Variants in PTPRZ1 observed in about 807,000 individuals in gnomAD.
PTPRZ1 encodes the protein protein tyrosine phosphatase receptor type Z1, also known as receptor-type tyrosine-protein phosphatase zeta.
Under a neutral mutation model 214.1 loss-of-function variants are expected in PTPRZ1, and 82 were observed. The observed-to-expected ratio is 0.38, with a 90% CI of 0.32 to 0.46. PTPRZ1 has a LOEUF of 0.46. Among genes scored for constraint, PTPRZ1 ranks in the 20% least tolerant of loss-of-function variants. The pLI is 1.00. For missense variants in PTPRZ1, 2,603 were observed against 2,748.7 expected, an observed-to-expected ratio of 0.95 and a Z score of 1.19; for synonymous variants, 945 against 987.9, an observed-to-expected ratio of 0.96 and a Z score of 0.81.
At position 122,034,095 on chromosome 7, in the gene PTPRZ1, A is replaced by G; in HGVS notation, c.5167A>G (p.Thr1723Ala). ...ASSGFTEEFE[T>A]LKEFYQEVQS... is the part of the protein sequence containing the mutation. ...TTTTTGGCATTCATTCCCTCATTAGACACTGAAAGAGTTTTACCAGGTAAG... is the reference window on the plus strand; with the variant it reads ...TTTTTGGCATTCATTCCCTCATTAGGCACTGAAAGAGTTTTACCAGGTAAG... Residue 1723 changes from threonine (T) to alanine (A), a missense_variant and splice_region_variant, in exon 16 of 30, where the codon ACA (threonine) becomes GCA (alanine). Thr to Ala is a moderately conservative substitution (Grantham distance 58). Coordinates refer to ENST00000393386, the MANE Select transcript of PTPRZ1 (RefSeq NM_002851.3). 6.3e-7 allele frequency: 1 copy of G among 1,594,412 alleles called. No individual in the cohort carries two copies.
intron 1 of PTPRZ1, among the ~76,000 whole-genome samples, chr7:121,909,295 G>A (rs1050612617): frequency 6.6e-6 from 1 of 152,106 alleles, no homozygotes; most frequent in African/African-American, 2.4e-5. Context: ...GGAAACCAGA[G>A]TTGCAGCCAG....
In PTPRZ1 at chr7:122,051,541, G is replaced by GA. The variant is rs753813147; in HGVS notation, c.6178+26dup. 10 of 1,586,114 alleles carry GA rather than the reference G, an allele frequency of 6.3e-6. No individual in the cohort carries two copies. The African/African-American group carries it at 9.5e-5, about 15-fold the overall frequency. ...TCCCTGGTAAGTTGTGTTGATCCTT[G>GA]AAAAAACAACTTTTTTAAAATAATA... is the stretch of plus-strand genomic sequence containing the variant. On this transcript the variant is annotated intron_variant, in intron 24 of 29. Coordinates refer to ENST00000393386, the MANE Select transcript of PTPRZ1 (RefSeq NM_002851.3).
chr7:122,035,007 G>T (rs1041417171), intron 17 of PTPRZ1, among the ~76,000 whole-genome samples: 14 of 151,788 alleles, frequency 9.2e-5, no homozygotes, highest in African/African-American at 2.9e-4. Context: ...GGTTGCATTT[G>T]TTCCCTCTTA....
In PTPRZ1 at chr7:121,996,465, G is replaced by C; in HGVS notation, c.1012G>C (p.Val338Leu). Residue 338 changes from valine (V) to leucine (L), a missense_variant, in exon 9 of 30, where the codon GTT becomes CTT. Physicochemically the swap from Val to Leu is conservative, Grantham distance 32 (BLOSUM62 1). This residue lies in a region of PTPRZ1 where 244 missense variants were observed against 333.2 expected (regional missense o/e 0.73). Transcript: ENST00000393386. The part of the protein sequence containing the change: ...LLVTWERPRV[V>L]YDTMIEKFAV... ...TGTTACATGGGAAAGACCTCGAGTC[G>C]TTTATGATACCATGATTGAGAAGTT... 2 of 1,613,574 alleles carry C rather than the reference G, an allele frequency of 1.2e-6. No individual in the cohort carries two copies. The highest frequency in any genetic ancestry group is 1.7e-6 in the Non-Finnish European group (2 of 1,179,664).
At chr7:121,991,693 A>T (rs1349954717) in intron 8 of PTPRZ1, among the ~76,000 whole-genome samples, 3 of 152,200 alleles carry the variant, frequency 2.0e-5, no homozygotes, top group Non-Finnish European at 4.4e-5. Context: ...CTACAAATTG[A>T]ACTGTTGATG....
intron 1 of PTPRZ1, among the ~76,000 whole-genome samples, chr7:121,890,766 C>G (rs1317492160): frequency 1.3e-5 from 2 of 152,060 alleles, no homozygotes; most frequent in African/African-American, 4.8e-5. Context: ...ACCTTCTAAG[C>G]TGAAGCAATC....
intron 1 of PTPRZ1, among the ~76,000 whole-genome samples, chr7:121,926,459 T>C (rs1044286722): frequency 3.3e-5 from 5 of 152,160 alleles, no homozygotes; most frequent in Non-Finnish European, 5.9e-5. Flanking sequence ...TAGAATATTC[T>C]TGGACAGTGA....
At chr7:122,000,382 C>T (rs559997132) in intron 10 of PTPRZ1, among the ~76,000 whole-genome samples, 2 of 151,564 alleles carry the variant, frequency 1.3e-5, no homozygotes, top group African/African-American at 2.4e-5. Context: ...TTGGTGCCTA[C>T]AAGATTAGTG....
At chr7:121,966,354 A>G in intron 2 of PTPRZ1, among the ~76,000 whole-genome samples, 1 of 152,202 alleles carries the variant, frequency 6.6e-6, no homozygotes, top group Non-Finnish European at 1.5e-5. Context: ...AGAATTTATT[A>G]TATTGTATTA....
chr7:121,982,559 G>A (rs930201951), intron 6 of PTPRZ1, among the ~76,000 whole-genome samples: 1 of 152,014 alleles, frequency 6.6e-6, no homozygotes, highest in Non-Finnish European at 1.5e-5. Context: ...TCTCCAGAAT[G>A]TTTTGTAATT....
Position 122,019,129 on chromosome 7 carries a change from A to G in PTPRZ1, c.4849A>G (p.Ser1617Gly). ...TCAATTTTCTCTGACTACAGAGGCC[A>G]GTAATAGTAGCCATGAGTCTCGTAT... ...EVFHVSEAEA[S>G]NSSHESRIGL... Residue 1617 changes from serine to glycine, a missense_variant, in exon 13 of 30, where the codon AGT becomes GGT. Physicochemically the swap from Ser to Gly is moderately conservative, Grantham distance 56. Around this residue, in one of 6 missense-constraint regions of PTPRZ1, gnomAD observed 1,913 missense variants for 1,914.3 expected, o/e 1.00. Transcript: ENST00000393386. 6.2e-7 allele frequency: 1 copy of G among 1,610,692 alleles called. No individual in the cohort carries two copies. Among genetic ancestry groups the G allele is most frequent in the Non-Finnish European group, 8.5e-7 (1 of 1,177,588 alleles).
intron 2 of PTPRZ1, among the ~76,000 whole-genome samples, chr7:121,936,417 A>G (rs1160104537): frequency 2.0e-5 from 3 of 152,216 alleles, no homozygotes; most frequent in African/African-American, 4.8e-5. Flanking sequence ...TGTGACAACT[A>G]AAGAATAAAA....
chr7:121,880,748 G>T (rs1215944386), intron 1 of PTPRZ1, among the ~76,000 whole-genome samples: 1 of 152,078 alleles, frequency 6.6e-6, no homozygotes, highest in Non-Finnish European at 1.5e-5. Context: ...TCATCAGATT[G>T]AAAATTATTT....
At chr7:121,914,868 C>A (rs1795373964) in intron 1 of PTPRZ1, among the ~76,000 whole-genome samples, 4 of 152,040 alleles carry the variant, frequency 2.6e-5, no homozygotes, top group Admixed American at 2.6e-4. Context: ...ACTCATGTGC[C>A]AGGCACCATG....
intron 2 of PTPRZ1, among the ~76,000 whole-genome samples, chr7:121,940,772 A>G (rs1796216297): frequency 6.6e-6 from 1 of 152,072 alleles, no homozygotes; most frequent in Non-Finnish European, 1.5e-5. Flanking sequence ...TAGTACAGAT[A>G]TAATTATATG....
At chr7:122,024,326 G>T (rs1224077463) in intron 13 of PTPRZ1, among the ~76,000 whole-genome samples, 1 of 151,686 alleles carries the variant, frequency 6.6e-6, no homozygotes, top group Non-Finnish European at 1.5e-5. Context: ...CAACCAAATG[G>T]CACACTATCA....
chr7:122,003,487 G>A (rs1021080708), intron 10 of PTPRZ1, among the ~76,000 whole-genome samples: 1 of 152,046 alleles, frequency 6.6e-6, no homozygotes, highest in South Asian at 2.1e-4. Flanking sequence ...AAAAATAAAC[G>A]CAAGAAACTT....
At chr7:121,881,481 A>G (rs1794236807) in intron 1 of PTPRZ1, among the ~76,000 whole-genome samples, 2 of 152,352 alleles carry the variant, frequency 1.3e-5, no homozygotes, top group East Asian at 3.9e-4. Flanking sequence ...AGGTGATTAT[A>G]GAGCACAGCC....
intron 1 of PTPRZ1, among the ~76,000 whole-genome samples, chr7:121,894,233 A>C (rs1379279382): frequency 1.3e-5 from 2 of 152,324 alleles, no homozygotes; most frequent in African/African-American, 4.8e-5. Context: ...CCTTCCCAGC[A>C]TTAAATGCTT....
Sources: gnomAD v4.1 joint callset for allele counts (sites outside exome capture counted in the v4.1 genomes callset) on GRCh38, gnomAD v4.1.1 for gene constraint, gnomAD v4.1.1 regional missense constraint, MANE v1.5 for transcripts, NCBI Gene and HGNC (gene_info 2026-07-23, HGNC 2026-07-21) for gene names.